The following KLHL32 variants were observed in gnomAD, a reference collection of about 807,000 sequenced individuals.
KLHL32 encodes the protein kelch like family member 32.
KLHL32 carries 35 observed loss-of-function variants against 64.8 expected under a neutral mutation model. That is an observed-to-expected ratio of 0.54 (90% CI 0.41 to 0.72). The LOEUF is 0.72. Among genes scored for constraint, KLHL32 ranks in the 30% least tolerant of loss-of-function variants. KLHL32 has a pLI of 0.00. For synonymous variants in KLHL32, 259 were observed against 281.0 expected (o/e 0.92, Z 0.78); for missense variants, 589 against 768.5 (o/e 0.77, Z 2.76).
chr6:96,947,420 CAT>C (rs962943616), intron 1 of KLHL32, among the ~76,000 whole-genome samples: 4 of 152,196 alleles, frequency 2.6e-5, no homozygotes, highest in South Asian at 2.1e-4. Flanking sequence ...GACACAACCA[CAT>C]GTTAGGAACA....
At chr6:97,099,197 A>C (rs1795372893) in intron 6 of KLHL32, among the ~76,000 whole-genome samples, 1 of 152,144 alleles carries the variant, frequency 6.6e-6, no homozygotes, top group Non-Finnish European at 1.5e-5. Context: ...CATGACTGCC[A>C]CTGTCCTGCT....
At chr6:97,025,504 G>A (rs534569407) in intron 3 of KLHL32, among the ~76,000 whole-genome samples, 1 of 152,290 alleles carries the variant, frequency 6.6e-6, no homozygotes, top group Non-Finnish European at 1.5e-5. Context: ...TAATAGATAT[G>A]AATGCATTTC....
chr6:97,126,792 G>A (rs1409376415), intron 7 of KLHL32, among the ~76,000 whole-genome samples: 1 of 152,052 alleles, frequency 6.6e-6, no homozygotes, highest in African/African-American at 2.4e-5. Context: ...AATGATAATT[G>A]TGGCTATACT....
intron 7 of KLHL32, among the ~76,000 whole-genome samples, chr6:97,116,266 T>C (rs1484730646): frequency 6.6e-6 from 1 of 152,230 alleles, no homozygotes; most frequent in Admixed American, 6.5e-5. Context: ...TAAAACCTCA[T>C]TTATCTAATT....
chr6:97,013,117 T>C (rs375360082), intron 3 of KLHL32, among the ~76,000 whole-genome samples: 1 of 152,208 alleles, frequency 6.6e-6, no homozygotes, highest in Non-Finnish European at 1.5e-5. Context: ...AAGTGAAATA[T>C]AGTAAATGCT....
intron 7 of KLHL32, among the ~76,000 whole-genome samples, chr6:97,121,970 G>C: frequency 6.6e-6 from 1 of 152,144 alleles, no homozygotes. Flanking sequence ...GTTTGACCCT[G>C]CTGGGAATGT....
At chr6:97,073,220 A>T (rs1791034836) in intron 5 of KLHL32, among the ~76,000 whole-genome samples, 1 of 152,186 alleles carries the variant, frequency 6.6e-6, no homozygotes, top group Non-Finnish European at 1.5e-5. Flanking sequence ...AACCTATTGG[A>T]CAAATCTGTT....
chr6:97,076,114 A>G (rs936689442), intron 5 of KLHL32, among the ~76,000 whole-genome samples: 1 of 152,196 alleles, frequency 6.6e-6, no homozygotes. Flanking sequence ...AGTATATTAT[A>G]GTAATACATA....
At chr6:97,064,792 C>T in intron 5 of KLHL32, 66 bp downstream of exon 5, 1 of 1,314,264 alleles carries the variant, frequency 7.6e-7, no homozygotes, top group Non-Finnish European at 1.1e-6. Context: ...TAAGCTGGCC[C>T]CCAACAACTG....
chr6:96,921,414 A>C (rs543060039), upstream of KLHL32, among the ~76,000 whole-genome samples: 2 of 152,388 alleles, frequency 1.3e-5, no homozygotes, highest in East Asian at 3.9e-4. Flanking sequence ...AGGATGAATT[A>C]GCTACAAAAT....
intron 6 of KLHL32, among the ~76,000 whole-genome samples, chr6:97,102,453 T>C (rs1338935025): frequency 6.6e-6 from 1 of 152,138 alleles, no homozygotes; most frequent in Non-Finnish European, 1.5e-5. Flanking sequence ...ATAAGCTAAA[T>C]ACCTCAGTGA....
chr6:96,921,243 C>T (rs112047347), upstream of KLHL32, among the ~76,000 whole-genome samples: 1,245 of 152,286 alleles, frequency 8.2e-3, 7 homozygotes, highest in Non-Finnish European at 0.012. Flanking sequence ...ACAAAGCTCC[C>T]ATCATGTGAC....
At chr6:96,996,563 G>A (rs1350687916) in intron 3 of KLHL32, among the ~76,000 whole-genome samples, 1 of 152,100 alleles carries the variant, frequency 6.6e-6, no homozygotes, top group African/African-American at 2.4e-5. Context: ...GACACTGAAT[G>A]AATTCGTAGT....
At chr6:96,923,676 C>A (rs1323490343), upstream of KLHL32, among the ~76,000 whole-genome samples, 2 of 152,202 alleles carry the variant, frequency 1.3e-5, no homozygotes, top group Admixed American at 1.3e-4. Flanking sequence ...GGGCACTGTT[C>A]CTAGCCCAAC....
At chr6:96,959,669 G>T (rs554918146) in intron 1 of KLHL32, among the ~76,000 whole-genome samples, 296 of 152,202 alleles carry the variant, frequency 1.9e-3, no homozygotes, top group Non-Finnish European at 3.3e-3. Context: ...CATGAATTGT[G>T]GGGGGACACA....
intron 1 of KLHL32, among the ~76,000 whole-genome samples, chr6:96,947,901 A>C (rs977798532): frequency 6.6e-6 from 1 of 152,098 alleles, no homozygotes; most frequent in Admixed American, 6.5e-5. Flanking sequence ...CCCTTATCTT[A>C]TGTCAAAAGG....
intron 5 of KLHL32, among the ~76,000 whole-genome samples, chr6:97,075,679 C>T (rs1182613675): frequency 1.3e-5 from 2 of 152,124 alleles, no homozygotes. Context: ...CTTTATGTTG[C>T]TTTCTCTACT....
At chr6:97,096,475 C>T (rs1795006811) in intron 6 of KLHL32, among the ~76,000 whole-genome samples, 1 of 152,210 alleles carries the variant, frequency 6.6e-6, no homozygotes, top group Admixed American at 6.5e-5. Context: ...CATCACTAAA[C>T]TTTTTAAGGA....
At chr6:96,916,984 C>T in the KLHL32 span, among the ~76,000 whole-genome samples, 1 of 152,052 alleles carries the variant, frequency 6.6e-6, no homozygotes, top group African/African-American at 2.4e-5. Flanking sequence ...TAGGAACAAC[C>T]CTGAACCCTT....
Sources: gnomAD v4.1 joint callset for allele counts (sites outside exome capture counted in the v4.1 genomes callset) on GRCh38, gnomAD v4.1.1 for gene constraint, MANE v1.5 for transcripts, NCBI Gene and HGNC (gene_info 2026-07-23, HGNC 2026-07-21) for gene names.